Variants in SNED1 observed in about 807,000 individuals in gnomAD.
The protein encoded by SNED1 is sushi, nidogen and EGF-like domain-containing protein 1.
Under a neutral mutation model 166.7 loss-of-function variants are expected in SNED1, and 81 were observed. The ratio of observed to expected loss-of-function variants is 0.49; its 90% CI spans 0.41 to 0.58. The LOEUF (loss-of-function observed/expected upper bound fraction) is 0.58, where lower values mean the gene tolerates loss of function less well. Ranked by LOEUF, SNED1 falls within the 20% of genes least tolerant of loss-of-function variation. The pLI is 0.00. For missense variants in SNED1, 1,604 were observed against 2,000.2 expected, an observed-to-expected ratio of 0.80 and a Z score of 3.78; for synonymous variants, 762 against 822.0, an observed-to-expected ratio of 0.93 and a Z score of 1.25.
At chr2:241,066,562 G>T (rs1035635647) in intron 21 of SNED1, among the ~76,000 whole-genome samples, 10 of 152,134 alleles carry the variant, frequency 6.6e-5, no homozygotes, top group African/African-American at 2.4e-4. Flanking sequence ...ATGGGGAAGG[G>T]GTGCTAGAGG....
intron 1 of SNED1, among the ~76,000 whole-genome samples, chr2:241,002,558 G>C (rs1337480777): frequency 1.3e-5 from 2 of 152,142 alleles, no homozygotes; most frequent in Non-Finnish European, 2.9e-5. Flanking sequence ...TGGGGAAGTG[G>C]AATGGGGCTG....
At chr2:241,011,592 A>G (rs67810343) in intron 1 of SNED1, among the ~76,000 whole-genome samples, 70,315 of 152,226 alleles carry the variant, frequency 0.46, 19,754 homozygotes, top group African/African-American at 0.77. Flanking sequence ...TGTTTTCCAC[A>G]TCTCTATGAC....
chr2:241,029,205 G>C (rs1225220491), intron 1 of SNED1, among the ~76,000 whole-genome samples: 1 of 152,254 alleles, frequency 6.6e-6, no homozygotes, highest in Non-Finnish European at 1.5e-5. Flanking sequence ...TCAGGTCAGA[G>C]CCAGTGCCCT....
rs545825772 is a variant in SNED1 at position 241,001,933 on chromosome 2, C to A, written c.213+2883C>A. ...ATGTGGACAGTCAGACTGACCCTCG[C>A]TGGTGCTGGCTAAACCCCCACTCTG... On this transcript the variant is annotated intron_variant, in intron 1 of 31. Coordinates refer to ENST00000310397, the MANE Select transcript of SNED1 (RefSeq NM_001080437.3). 2.0e-5 allele frequency among the ~76,000 whole-genome samples: 3 copies of A among 152,298 alleles called. No homozygotes were observed. The East Asian group carries it at 5.8e-4, about 29-fold the overall frequency.
chr2:241,012,212 C>A (rs989008412), intron 1 of SNED1, among the ~76,000 whole-genome samples: 1 of 152,228 alleles, frequency 6.6e-6, no homozygotes. Context: ...TCGGCCACAG[C>A]GGCCTCCTGC....
At chr2:241,066,711 G>A (rs1012643464) in intron 21 of SNED1, among the ~76,000 whole-genome samples, 1 of 152,210 alleles carries the variant, frequency 6.6e-6, no homozygotes, top group African/African-American at 2.4e-5. Context: ...CGTGAGTTTG[G>A]TGAAACCTAT....
intron 9 of SNED1, 63 bp from the exon 10 acceptor site, chr2:241,048,599 T>G: frequency 6.6e-7 from 1 of 1,522,798 alleles, no homozygotes; most frequent in Non-Finnish European, 8.9e-7. Flanking sequence ...GGGCAGGGTC[T>G]GGAGCGAGGG....
intron 27 of SNED1, among the ~76,000 whole-genome samples, chr2:241,078,350 T>C (rs1267170135): frequency 2.8e-5 from 4 of 143,280 alleles, no homozygotes; most frequent in African/African-American, 1.1e-4. Context: ...GCCACTGCAC[T>C]GCAGCCTGGG....
Position 241,068,075 on chromosome 2 carries a change from G to T in SNED1, c.3194+128G>T. ...ACCACCTGCCGCTCCTCACCTGAGCGGAGACAAAGGTCTCAGGTGAGCCAG... is the reference window on the plus strand; with the variant it reads ...ACCACCTGCCGCTCCTCACCTGAGCTGAGACAAAGGTCTCAGGTGAGCCAG... On this transcript the variant is annotated intron_variant, in intron 22 of 31. Coordinates refer to ENST00000310397, the MANE Select transcript of SNED1 (RefSeq NM_001080437.3). This position sits in a 1 kb window ranked among gnomAD's most constrained non-coding sequence, Gnocchi z 5.3. 3.4e-6 allele frequency: 3 copies of T among 879,316 alleles called. No homozygotes were observed. The highest frequency in any genetic ancestry group is 3.6e-4 in the Middle Eastern group (1 of 2,792). The allele number at this position is 879,316 out of a possible 1,614,324, so 54.5% of individuals were successfully genotyped here. A position where few individuals can be genotyped will look rare whatever the true frequency, so the allele number is the denominator to read the frequency against.
chr2:241,051,790 G>A lies in SNED1; in HGVS notation c.1782G>A (p.Thr594=), dbSNP rs756899341. ...CAGGGCCCTGCCGGAACGGGGGCAC[G>A]TGCAAGGAGGCGGGCGGCGAGTACC... is the stretch of plus-strand genomic sequence containing the variant. ...CSSGPCRNGG[T]CKEAGGEYHC... is the part of the protein sequence containing the mutation. The change falls in exon 13 of 32, where the codon ACG becomes ACA. Residue 594 remains threonine (T), a synonymous_variant. Transcript: ENST00000310397. The surrounding 1 kb of genome is among the most constrained non-coding windows in gnomAD (Gnocchi z 4.7). The A allele has an allele frequency of 1.3e-5, 20 of 1,558,278 alleles. 1 individual carries two copies. Among genetic ancestry groups the A allele is most frequent in the South Asian group, 3.6e-5 (3 of 84,070 alleles).
At chr2:241,088,219 C>T (rs2063684331) in intron 30 of SNED1, 146 bp from the exon 31 acceptor site, 2 of 669,458 alleles carry the variant, frequency 3.0e-6, no homozygotes. Flanking sequence ...ATCTCCACAG[C>T]GGTGTCTGGA....
At chr2:241,067,696 C>A (rs567503002) in intron 21 of SNED1, 68 bp from the exon 22 acceptor site, 3 of 1,399,722 alleles carry the variant, frequency 2.1e-6, no homozygotes, top group Non-Finnish European at 3.0e-6. Context: ...CTGGTTTCAT[C>A]TTGAGCCCCT....
At chr2:241,089,025 A>C (rs1008751514) in intron 31 of SNED1, 1 of 352,110 alleles carries the variant, frequency 2.8e-6, no homozygotes, top group Non-Finnish European at 5.1e-6. Flanking sequence ...TGTTTAAGCC[A>C]GCATTTCCCA....
intron 5 of SNED1, 41 bp from the exon 6 acceptor site, chr2:241,037,198 CG>C (rs34203344): frequency 0.3 from 451,449 of 1,494,576 alleles, 71,497 homozygotes; most frequent in Middle Eastern, 0.33. Context: ...ACTCCTCATC[CG>C]GGTTCCCGCC....
chr2:241,008,272 A>G (rs1419692235), intron 1 of SNED1, among the ~76,000 whole-genome samples: 2 of 152,166 alleles, frequency 1.3e-5, no homozygotes, highest in African/African-American at 4.8e-5. Context: ...CCCACCTGGG[A>G]AGCACAGCCC....
At position 241,048,758 on chromosome 2, in the gene SNED1, G is replaced by A; in HGVS notation, c.1496G>A (p.Cys499Tyr). The change falls in exon 10 of 32, where the codon TGT (cysteine) becomes TAT (tyrosine). Residue 499 changes from cysteine (C) to tyrosine (Y), a missense_variant. By Grantham distance (194) the Cys-to-Tyr change is radical. Around this residue, in one of 2 missense-constraint regions of SNED1, gnomAD observed 1,237 missense variants for 1,620.8 expected, o/e 0.76. Coordinates refer to ENST00000310397, the MANE Select transcript of SNED1 (RefSeq NM_001080437.3). ...QCPLGFFGLL[C>Y]EFEITAMPCN... ...CCCCTGGGATTCTTTGGGCTTCTCTGTGAATTTGGTAGGTGCCCAGGTCAC... is the reference window on the plus strand; with the variant it reads ...CCCCTGGGATTCTTTGGGCTTCTCTATGAATTTGGTAGGTGCCCAGGTCAC... The A allele has an allele frequency of 6.2e-7, 1 of 1,609,752 alleles. No homozygotes were observed. Among genetic ancestry groups the A allele is most frequent in the Non-Finnish European group, 8.5e-7 (1 of 1,178,106 alleles).
chr2:241,030,810 C>T (rs1016893074), intron 2 of SNED1, among the ~76,000 whole-genome samples: 3 of 152,234 alleles, frequency 2.0e-5, no homozygotes, highest in African/African-American at 7.2e-5. Flanking sequence ...AGCAGCAGCT[C>T]ACATGTCAGA....
intron 31 of SNED1, chr2:241,090,293 T>C (rs774224996): frequency 5.2e-6 from 8 of 1,548,396 alleles, no homozygotes; most frequent in Non-Finnish European, 6.1e-6. Context: ...GGCAGGATCA[T>C]CCATGTCACC....
In SNED1 at chr2:241,018,529, G is replaced by A. The variant is rs4588185; in HGVS notation, c.214-11755G>A. On this transcript the variant is annotated intron_variant, in intron 1 of 31. Coordinates refer to ENST00000310397, the MANE Select transcript of SNED1 (RefSeq NM_001080437.3). This position sits in a 1 kb window ranked among gnomAD's most constrained non-coding sequence, Gnocchi z 5.4. Reference sequence around the variant, plus strand: ...TCCCTGGTCAGGAGCCGGGACTGGCGTTCTCTCTCTTCAGCCAGGAAGCCA... The same window carrying A: ...TCCCTGGTCAGGAGCCGGGACTGGCATTCTCTCTCTTCAGCCAGGAAGCCA... Among the ~76,000 whole-genome samples the A allele has an allele frequency of 0.11, 15,999 of 152,258 alleles. 1,039 individuals carry two copies. Among genetic ancestry groups the A allele is most frequent in the East Asian group, 0.17 (894 of 5,176 alleles).
Sources: gnomAD v4.1 joint callset for allele counts (sites outside exome capture counted in the v4.1 genomes callset) on GRCh38, gnomAD v4.1.1 for gene constraint, gnomAD v4.1.1 regional missense constraint, Gnocchi (gnomAD v3.1) non-coding constraint, MANE v1.5 for transcripts, NCBI Gene and HGNC (gene_info 2026-07-23, HGNC 2026-07-21) for gene names.